Variants in SRSF1 observed in about 807,000 individuals in gnomAD.
SRSF1 encodes the protein serine and arginine rich splicing factor 1.
In SRSF1, 1 loss-of-function variant was observed where a neutral mutation model predicts 25.9. The ratio of observed to expected loss-of-function variants is 0.04; its 90% CI spans 0.01 to 0.18. The LOEUF (loss-of-function observed/expected upper bound fraction) is 0.18. Ranked by LOEUF, SRSF1 falls within the 10% of genes least tolerant of loss-of-function variation. The pLI, the probability that SRSF1 is intolerant of heterozygous loss-of-function variation, is 1.00. For synonymous variants in SRSF1, 132 were observed against 126.2 expected (o/e 1.05, Z -0.31); for missense variants, 65 against 350.5 (o/e 0.19, Z 6.50).
At chr17:58,006,558 G>T in intron 1 of SRSF1, 31 bp from the exon 2 acceptor site, 1 of 1,588,264 alleles carries the variant, frequency 6.3e-7, no homozygotes, top group South Asian at 1.1e-5. Context: ...AAAGGGATGA[G>T]AAACACCAGG....
intron 1 of SRSF1, 74 bp downstream of exon 1, chr17:58,006,870 A>C (rs752456233): frequency 9.7e-6 from 15 of 1,542,256 alleles, no homozygotes; most frequent in Non-Finnish European, 1.2e-5. Flanking sequence ...CCCGTTCTCT[A>C]TGTTAAGGCC....
In SRSF1 at chr17:58,005,710, A is replaced by G. The variant is rs2075422217; in HGVS notation, c.552+91T>C. ...ACCAGAAATCTGGCAATTTACTTGG[A>G]CAACCTTGCCTGAATCCTTACCTTG... On this transcript the variant is annotated intron_variant, in intron 3 of 3. Transcript: ENST00000258962. The surrounding 1 kb of genome is among the most constrained non-coding windows in gnomAD (Gnocchi z 5.2). The G allele has an allele frequency of 1.2e-6, 2 of 1,608,848 alleles. No individual in the cohort carries two copies. Among genetic ancestry groups the G allele is most frequent in the Non-Finnish European group, 1.7e-6 (2 of 1,176,480 alleles).
At position 58,006,090 on chromosome 17, in the gene SRSF1, A is replaced by G. The variant is rs547377816; in HGVS notation, c.380-117T>C. On this transcript the variant is annotated intron_variant, in intron 2 of 3. Transcript: ENST00000258962. ...TACTTAATAGGTGTACTTAAGTGAT[A>G]CCAGGTAAAGAGAGCTGGTAAGATT... is the stretch of plus-strand genomic sequence containing the variant. The G allele has an allele frequency of 3.3e-4, 345 of 1,052,600 alleles. 1 individual carries two copies. The highest frequency in any genetic ancestry group is 7.3e-4 in the Middle Eastern group (3 of 4,124). The allele number at this position is 1,052,600 out of a possible 1,614,324, so 65.2% of individuals were successfully genotyped here. A position where few individuals can be genotyped will look rare whatever the true frequency, so the allele number is the denominator to read the frequency against.
At chr17:58,006,852 C>T (rs2075433203) in intron 1 of SRSF1, 92 bp downstream of exon 1, 1 of 1,464,146 alleles carries the variant, frequency 6.8e-7, no homozygotes. Flanking sequence ...TCTAAGAGCC[C>T]CCGCTTCCCC....
chr17:58,007,218 C>T lies in SRSF1; in HGVS notation c.-81G>A. Reference sequence around the variant, plus strand: ...CGGCAGAGCGAGCCCGCAGCGGCACCACGTCTCCCGCGGCCCCTCCAAAAT... The same window carrying T: ...CGGCAGAGCGAGCCCGCAGCGGCACTACGTCTCCCGCGGCCCCTCCAAAAT... On this transcript the variant is annotated 5_prime_UTR_variant, in exon 1 of 4. Coordinates refer to ENST00000258962, the MANE Select transcript of SRSF1 (RefSeq NM_006924.5). 3.3e-6 allele frequency: 5 copies of T among 1,534,472 alleles called. No individual in the cohort carries two copies. The highest frequency in any genetic ancestry group is 1.8e-5 in the Admixed American group (1 of 56,580).
chr17:57,999,218 C>G (rs953450196), downstream of SRSF1, among the ~76,000 whole-genome samples: 7 of 152,202 alleles, frequency 4.6e-5, no homozygotes, highest in African/African-American at 1.7e-4. Context: ...AAGATCATCA[C>G]ACCTGAAACT....
At chr17:57,989,188 TG>T in the SRSF1 span, 6 of 398,508 alleles carry the variant, frequency 1.5e-5, no homozygotes, top group Non-Finnish European at 2.7e-5. Context: ...TAGGCGTCAC[TG>T]CTACTGGAAC....
the SRSF1 span, chr17:57,991,913 G>C: frequency 7.2e-5 from 11 of 152,214 alleles, no homozygotes; most frequent in Admixed American, 4.6e-4. Flanking sequence ...AAGTCATAGA[G>C]AGCAAAGGGA....
At chr17:57,989,868 C>G in the SRSF1 span, 1 of 397,422 alleles carries the variant, frequency 2.5e-6, no homozygotes, top group Non-Finnish European at 4.4e-6. Flanking sequence ...CTATGGTCAC[C>G]CCCATGTCTC....
chr17:57,991,385 C>A, the SRSF1 span: 1 of 152,180 alleles, frequency 6.6e-6, no homozygotes, highest in South Asian at 2.1e-4. Context: ...CTGTCCCCAG[C>A]TAAGACTGCT....
chr17:57,989,432 T>C, the SRSF1 span: 1 of 397,610 alleles, frequency 2.5e-6, no homozygotes, highest in South Asian at 1.4e-4. Context: ...ACTTTAACAT[T>C]TTCCAAAACC....
At chr17:58,000,053 G>A (rs1469416819), downstream of SRSF1, among the ~76,000 whole-genome samples, 1 of 152,100 alleles carries the variant, frequency 6.6e-6, no homozygotes, top group East Asian at 1.9e-4. Context: ...TTAAAATGTT[G>A]TAAATTACAA....
Position 58,006,501 on chromosome 17 carries a change from C to A in SRSF1, c.221G>T (p.Arg74Leu). 6.2e-7 allele frequency: 1 copy of A among 1,613,240 alleles called. No homozygotes were observed. Among genetic ancestry groups the A allele is most frequent in the Non-Finnish European group, 8.5e-7 (1 of 1,179,658 alleles). ...PRDAEDAVYG[R>L]DGYDYDGYRL... The stretch of plus-strand genomic sequence containing the variant: ...GTACCCATCGTAATCATAGCCGTCG[C>A]GACCATACACCGCGTCTTCCGCGTC... Residue 74 changes from arginine to leucine, a missense_variant, in exon 2 of 4, where the codon CGC becomes CTC. Physicochemically the swap from Arg to Leu is moderately radical, Grantham distance 102. Transcript: ENST00000258962.
At chr17:58,006,054 G>C in intron 2 of SRSF1, 81 bp from the exon 3 acceptor site, 2 of 1,290,278 alleles carry the variant, frequency 1.6e-6, no homozygotes, top group Admixed American at 2.1e-5. Context: ...AGGACAAAGA[G>C]TACTTTAAAG....
At chr17:57,995,924 CT>C (rs1354421255), downstream of SRSF1, among the ~76,000 whole-genome samples, 1 of 152,120 alleles carries the variant, frequency 6.6e-6, no homozygotes, top group Admixed American at 6.5e-5. Context: ...GGGAGGCCTG[CT>C]TAAGCCCAGG....
the SRSF1 span, chr17:57,992,551 C>G: frequency 6.6e-6 from 1 of 152,168 alleles, no homozygotes; most frequent in Non-Finnish European, 1.5e-5. Flanking sequence ...AGGTGAATGT[C>G]TTCTCCTCGG....
rs750745277 is a variant in SRSF1, at chr17:58,005,507, G to C, written c.646C>G (p.Arg216Gly). ...CGACTCCTGCTGTTGCTTCTGCTAC[G>C]GCTTCTGCTACGACTACGGCTTCGA... ...RSRSRSRSRS[R>G]SRSNSRSRSY... is the part of the protein sequence containing the mutation. The change falls in exon 4 of 4, where the codon CGT (arginine) becomes GGT (glycine). Residue 216 changes from arginine to glycine, a missense_variant. Physicochemically the swap from Arg to Gly is moderately radical, Grantham distance 125. Coordinates refer to ENST00000258962, the MANE Select transcript of SRSF1 (RefSeq NM_006924.5). The surrounding 1 kb of genome is among the most constrained non-coding windows in gnomAD (Gnocchi z 5.2). 12 of 1,614,012 alleles carry C rather than the reference G, an allele frequency of 7.4e-6. No homozygotes were observed. The highest frequency in any genetic ancestry group is 9.3e-6 in the Non-Finnish European group (11 of 1,179,998).
rs752176246 is a variant in SRSF1 at position 58,007,166 on chromosome 17, A to G, written c.-29T>C. ...GGTGACGAAAAGCGCGGACTCGAGAACAGGCCTTCCCACCAAGCCTAGCGC... is the reference window on the plus strand; with the variant it reads ...GGTGACGAAAAGCGCGGACTCGAGAGCAGGCCTTCCCACCAAGCCTAGCGC... On this transcript the variant is annotated 5_prime_UTR_variant, in exon 1 of 4. Transcript: ENST00000258962. 6.2e-7 allele frequency: 1 copy of G among 1,612,138 alleles called. No homozygotes were observed. The highest frequency in any genetic ancestry group is 8.5e-7 in the Non-Finnish European group (1 of 1,179,298).
chr17:57,999,646 G>A (rs1267417459), downstream of SRSF1, among the ~76,000 whole-genome samples: 5 of 152,000 alleles, frequency 3.3e-5, no homozygotes, highest in Non-Finnish European at 7.4e-5. Flanking sequence ...TCTATAATGG[G>A]GATTATTTCC....
Sources: gnomAD v4.1 joint callset for allele counts (sites outside exome capture counted in the v4.1 genomes callset) on GRCh38, gnomAD v4.1.1 for gene constraint, Gnocchi (gnomAD v3.1) non-coding constraint, MANE v1.5 for transcripts, NCBI Gene and HGNC (gene_info 2026-07-23, HGNC 2026-07-21) for gene names.